LARS2: variants seen among roughly 807,000 people sequenced by gnomAD.
The protein encoded by LARS2 is leucine--tRNA ligase, mitochondrial.
In LARS2, 81 loss-of-function variants were observed where a neutral mutation model predicts 116.6. The observed-to-expected ratio is 0.69, with a 90% CI of 0.58 to 0.84. LARS2 has a LOEUF of 0.84. Among genes scored for constraint, LARS2 ranks in the 40% least tolerant of loss-of-function variants. LARS2 has a pLI of 0.00. For missense variants in LARS2, 968 were observed against 1,114.5 expected (o/e 0.87, Z 1.87); for synonymous variants, 396 against 407.2 (o/e 0.97, Z 0.33).
At chr3:45,529,364 C>T (rs1361933241) in intron 20 of LARS2, among the ~76,000 whole-genome samples, 1 of 151,950 alleles carries the variant, frequency 6.6e-6, no homozygotes, top group African/African-American at 2.4e-5. Flanking sequence ...GTCGGGAGTT[C>T]GAGACCAGCC....
At chr3:45,414,224 A>G (rs1344982111) in intron 4 of LARS2, among the ~76,000 whole-genome samples, 1 of 152,220 alleles carries the variant, frequency 6.6e-6, no homozygotes, top group East Asian at 1.9e-4. Flanking sequence ...AGCAGTCACT[A>G]ACAGGCTGCA....
chr3:45,450,872 G>T (rs1699116653), intron 7 of LARS2, among the ~76,000 whole-genome samples: 1 of 152,066 alleles, frequency 6.6e-6, no homozygotes, highest in African/African-American at 2.4e-5. Context: ...TCTTTTAATA[G>T]AAGCCATTTT....
At chr3:45,522,703 G>A (rs1030871960) in intron 19 of LARS2, among the ~76,000 whole-genome samples, 10 of 152,180 alleles carry the variant, frequency 6.6e-5, no homozygotes, top group African/African-American at 2.4e-4. Flanking sequence ...TCACACCACT[G>A]CACTCCAGCC....
At chr3:45,542,372 T>C (rs1023567515) in intron 21 of LARS2, among the ~76,000 whole-genome samples, 3 of 152,156 alleles carry the variant, frequency 2.0e-5, no homozygotes, top group African/African-American at 7.2e-5. Context: ...CTGTAAAACA[T>C]ATTTCAGAAA....
rs2093321875 is a variant in LARS2 at position 45,495,969 on chromosome 3, C to T, written c.1524-306C>T. 2.0e-5 allele frequency among the ~76,000 whole-genome samples: 3 copies of T among 152,048 alleles called. No individual in the cohort carries two copies. In the South Asian group the frequency reaches 6.2e-4, roughly 32 times the overall value. On this transcript the variant is annotated intron_variant, in intron 13 of 21. Coordinates refer to ENST00000645846, the MANE Select transcript of LARS2 (RefSeq NM_015340.4). ...CCACCTCCCGGGTTCAAGCCATTCTCCTACCTCAGCCTCCCAAGTAGCTGG... is the reference window on the plus strand; with the variant it reads ...CCACCTCCCGGGTTCAAGCCATTCTTCTACCTCAGCCTCCCAAGTAGCTGG...
At position 45,491,592 on chromosome 3, in the gene LARS2, G is replaced by A; in HGVS notation, c.1315G>A (p.Val439Met). Reference sequence around the variant, plus strand: ...CCGGGGGAAGAGAGTGGGTGGAGACGTGACAAGTGATAAACTGAAAGACTG... The same window carrying A: ...CCGGGGGAAGAGAGTGGGTGGAGACATGACAAGTGATAAACTGAAAGACTG... ...KARGKRVGGD[V>M]TSDKLKDWLI... The change falls in exon 13 of 22, where the codon GTG becomes ATG. Residue 439 changes from valine (V) to methionine (M), a missense_variant. By Grantham distance (21) the Val-to-Met change is conservative. Coordinates refer to ENST00000645846, the MANE Select transcript of LARS2 (RefSeq NM_015340.4). 4 of 1,614,198 alleles carry A rather than the reference G, an allele frequency of 2.5e-6. No individual in the cohort carries two copies. Among genetic ancestry groups the A allele is most frequent in the Admixed American group, 1.7e-5 (1 of 60,028 alleles).
At chr3:45,475,251 A>C (rs538952078) in intron 9 of LARS2, among the ~76,000 whole-genome samples, 3 of 152,308 alleles carry the variant, frequency 2.0e-5, no homozygotes, top group African/African-American at 7.2e-5. Context: ...TGGTGTCTGC[A>C]AGCACCTGCC....
In LARS2 at chr3:45,404,100, C is replaced by T. The variant is rs554149397; in HGVS notation, c.363+3727C>T. ...AATGAATCTTGTAATTCATATTATC[C>T]ATCCTGTGGCTTGATTTGCTTATGG... On this transcript the variant is annotated intron_variant, in intron 4 of 21. Coordinates refer to ENST00000645846, the MANE Select transcript of LARS2 (RefSeq NM_015340.4). 6.1e-4 allele frequency among the ~76,000 whole-genome samples: 93 copies of T among 152,114 alleles called. 1 individual carries two copies. Among genetic ancestry groups the T allele is most frequent in the African/African-American group, 1.9e-3 (79 of 41,486 alleles).
intron 5 of LARS2, among the ~76,000 whole-genome samples, chr3:45,418,780 C>A (rs1698472247): frequency 6.6e-6 from 1 of 152,222 alleles, no homozygotes; most frequent in Admixed American, 6.5e-5. Context: ...GATGATGGCC[C>A]CTGAGCCAGG....
At chr3:45,518,788 G>A (rs1252810565) in intron 18 of LARS2, among the ~76,000 whole-genome samples, 1 of 152,092 alleles carries the variant, frequency 6.6e-6, no homozygotes, top group Non-Finnish European at 1.5e-5. Context: ...TCGCTCATCT[G>A]CACTCTGATA....
chr3:45,510,080 T>A (rs570556123), intron 15 of LARS2, among the ~76,000 whole-genome samples: 11 of 152,044 alleles, frequency 7.2e-5, no homozygotes, highest in African/African-American at 2.4e-4. Flanking sequence ...TTAACATTAC[T>A]GAGCATCTGT....
chr3:45,449,933 G>A (rs1357066158), intron 7 of LARS2, among the ~76,000 whole-genome samples: 2 of 152,136 alleles, frequency 1.3e-5, no homozygotes, highest in Non-Finnish European at 2.9e-5. Context: ...CAGTTCTGTT[G>A]CAAAAAGAAT....
chr3:45,516,868 A>C (rs544859680), intron 17 of LARS2, among the ~76,000 whole-genome samples: 6 of 152,252 alleles, frequency 3.9e-5, no homozygotes, highest in African/African-American at 1.4e-4. Flanking sequence ...TTTAGTACTA[A>C]AATGACATGA....
At chr3:45,419,030 T>C (rs1359152985) in intron 5 of LARS2, among the ~76,000 whole-genome samples, 1 of 152,242 alleles carries the variant, frequency 6.6e-6, no homozygotes, top group Non-Finnish European at 1.5e-5. Flanking sequence ...GATTTTTTCA[T>C]GGTTTTTCAT....
Position 45,520,296 on chromosome 3 carries a change from G to A in LARS2, c.2292G>A (p.Ser764=), listed in dbSNP as rs773002979. Residue 764 remains serine (S), a splice_region_variant and synonymous_variant, in exon 19 of 22, where the codon TCG becomes TCA. Coordinates refer to ENST00000645846, the MANE Select transcript of LARS2 (RefSeq NM_015340.4). ...SQLMGLSNAL[S]QASQSVILHS... The stretch of plus-strand genomic sequence containing the variant: ...TGATGGGACTCAGCAATGCCCTCTC[G>A]GTAAGTGGCCTGTCCTCATTTGCTG... The A allele has an allele frequency of 1.3e-5, 21 of 1,611,440 alleles. No individual in the cohort carries two copies. The highest frequency in any genetic ancestry group is 4.5e-5 in the East Asian group (2 of 44,878).
chr3:45,394,535 T>A lies in LARS2; in HGVS notation c.82T>A (p.Trp28Arg). The A allele has an allele frequency of 6.2e-7, 1 of 1,614,154 alleles. No individual in the cohort carries two copies. The highest frequency in any genetic ancestry group is 8.5e-7 in the Non-Finnish European group (1 of 1,180,046). Reference protein sequence around the residue: ...QLNGGPDVIKWERRVIPGCTR... With the variant: ...QLNGGPDVIKRERRVIPGCTR... ...AAATGGTGGGCCAGATGTCATCAAGTGGGAAAGGAGAGTAATTCCCGGATG... is the reference window on the plus strand; with the variant it reads ...AAATGGTGGGCCAGATGTCATCAAGAGGGAAAGGAGAGTAATTCCCGGATG... Residue 28 changes from tryptophan (W) to arginine (R), a missense_variant, in exon 3 of 22, where the codon TGG becomes AGG. By Grantham distance (101) the Trp-to-Arg change is moderately radical (BLOSUM62 -3). Coordinates refer to ENST00000645846, the MANE Select transcript of LARS2 (RefSeq NM_015340.4).
intron 10 of LARS2, among the ~76,000 whole-genome samples, chr3:45,484,529 T>C (rs1212670419): frequency 7.3e-6 from 1 of 136,916 alleles, no homozygotes; most frequent in Non-Finnish European, 1.6e-5. Flanking sequence ...GCTTTGGGAG[T>C]CTGAGGTGGG....
chr3:45,477,602 G>C (rs1282138333), intron 10 of LARS2, among the ~76,000 whole-genome samples: 1 of 152,188 alleles, frequency 6.6e-6, no homozygotes, highest in East Asian at 1.9e-4. Context: ...TACCAGATAA[G>C]GGGATATGAA....
At chr3:45,407,792 T>C (rs772222856) in intron 4 of LARS2, among the ~76,000 whole-genome samples, 9 of 152,180 alleles carry the variant, frequency 5.9e-5, no homozygotes, top group Non-Finnish European at 1.3e-4. Context: ...CCTAGAGAAC[T>C]GGTTGGCCCT....
Sources: gnomAD v4.1 joint callset for allele counts (sites outside exome capture counted in the v4.1 genomes callset) on GRCh38, gnomAD v4.1.1 for gene constraint, MANE v1.5 for transcripts, NCBI Gene and HGNC (gene_info 2026-07-23, HGNC 2026-07-21) for gene names.